Variants in RP1L1 observed in about 807,000 individuals in gnomAD.
RP1L1 encodes RP1 like 1.
In RP1L1, 27 loss-of-function variants were observed where a neutral mutation model predicts 15.7. That is an observed-to-expected ratio of 1.72 (90% CI 1.27 to 2.38). RP1L1 has a LOEUF of 2.38. RP1L1 is among the 30% of genes most tolerant of loss of function. The pLI is 0.00. For synonymous variants in RP1L1, 1,813 were observed against 1,276.7 expected, an observed-to-expected ratio of 1.42 and a Z score of -8.96; for missense variants, 4,798 against 3,075.9, an observed-to-expected ratio of 1.56 and a Z score of -13.24.
At chr8:10,625,409 G>C (rs1252659325) in intron 1 of RP1L1, among the ~76,000 whole-genome samples, 2 of 151,346 alleles carry the variant, frequency 1.3e-5, no homozygotes, top group African/African-American at 4.8e-5. Flanking sequence ...TGGGAGGAAA[G>C]ACACAGGGAA....
chr8:10,610,748 GC>G lies in RP1L1; in HGVS notation c.3349del (p.Ala1117ProfsTer23). Reference sequence around the variant, plus strand: ...CAGACTGGCCAGACAAGTAATGAGGGCCCCGGCTGAGCAGCTGAGCCTCCTG... The same window carrying G: ...CAGACTGGCCAGACAAGTAATGAGGGCCCGGCTGAGCAGCTGAGCCTCCTG... ...MARRLSCSAG[A>X]LITCLASLQL... On this transcript the variant is annotated frameshift_variant, in exon 4 of 4. Transcript: ENST00000382483. LOFTEE classifies it low-confidence loss of function (END_TRUNC). The G allele has an allele frequency of 1.2e-6, 2 of 1,613,420 alleles. No homozygotes were observed. The highest frequency in any genetic ancestry group is 8.5e-7 in the Non-Finnish European group (1 of 1,180,026).
chr8:10,650,605 G>A (rs1798544886), intron 1 of RP1L1, among the ~76,000 whole-genome samples: 1 of 151,070 alleles, frequency 6.6e-6, no homozygotes, highest in Non-Finnish European at 1.5e-5. Context: ...CGTCCAGGCT[G>A]GAGTGCAGTG....
chr8:10,612,102 T>A lies in RP1L1; in HGVS notation c.1996A>T (p.Arg666Trp), dbSNP rs1390730087. The change falls in exon 4 of 4, where the codon AGG becomes TGG. Residue 666 changes from arginine to tryptophan, a missense_variant. Coordinates refer to ENST00000382483, the MANE Select transcript of RP1L1 (RefSeq NM_178857.6). ...GTGTCCTTGCGGTAGTGAGAATGCCTGGGATGGCCTCTCGGGGCCACTCGG... is the reference window on the plus strand; with the variant it reads ...GTGTCCTTGCGGTAGTGAGAATGCCAGGGATGGCCTCTCGGGGCCACTCGG... ...LGRVAPRGHP[R>W]HSHYRKDTHS... The A allele has an allele frequency of 6.2e-7, 1 of 1,613,780 alleles. No individual in the cohort carries two copies. The highest frequency in any genetic ancestry group is 1.7e-5 in the Admixed American group (1 of 60,036).
chr8:10,625,292 A>G (rs1798138853), intron 1 of RP1L1, among the ~76,000 whole-genome samples: 1 of 152,140 alleles, frequency 6.6e-6, no homozygotes, highest in African/African-American at 2.4e-5. Flanking sequence ...GAATCAGGCC[A>G]CCTACAGGGT....
intron 2 of RP1L1, among the ~76,000 whole-genome samples, chr8:10,616,995 T>C (rs1022614528): frequency 8.5e-5 from 13 of 152,204 alleles, no homozygotes; most frequent in African/African-American, 3.1e-4. Context: ...CTCATTCTTT[T>C]CCCAAATGAA....
intron 1 of RP1L1, among the ~76,000 whole-genome samples, chr8:10,630,786 T>G (rs1203618037): frequency 6.6e-6 from 1 of 152,244 alleles, no homozygotes; most frequent in Non-Finnish European, 1.5e-5. Flanking sequence ...CAGCCAGTGT[T>G]GAAATCCACT....
rs576857088 is a variant in RP1L1 at position 10,636,751 on chromosome 8, G to A, written c.-19-13531C>T. Among the ~76,000 whole-genome samples, 149 of 152,342 alleles carry A rather than the reference G, an allele frequency of 9.8e-4. 2 individuals are homozygous for A. The highest frequency in any genetic ancestry group is 1.3e-3 in the Non-Finnish European group (89 of 68,034). The stretch of plus-strand genomic sequence containing the variant: ...AGCAATCAGACATGCTCTTCGCTGG[G>A]ATTAGGTTACTCCCAGCCGGGCCTG... On this transcript the variant is annotated intron_variant, in intron 1 of 3. Coordinates refer to ENST00000382483, the MANE Select transcript of RP1L1 (RefSeq NM_178857.6).
chr8:10,623,122 A>G lies in RP1L1; in HGVS notation c.80T>C (p.Val27Ala), dbSNP rs1357860756. The part of the protein sequence containing the change: ...FLPSVARTPS[V>A]TKVTPAKKIT... ...CTTCTTGGCTGGCGTGACCTTGGTG[A>G]CCGAGGGGGTGCGAGCCACAGAGGG... Residue 27 changes from valine to alanine, a missense_variant, in exon 2 of 4, where the codon GTC becomes GCC. Coordinates refer to ENST00000382483, the MANE Select transcript of RP1L1 (RefSeq NM_178857.6). 6.2e-7 allele frequency: 1 copy of G among 1,611,828 alleles called. No individual in the cohort carries two copies. Among genetic ancestry groups the G allele is most frequent in the Non-Finnish European group, 8.5e-7 (1 of 1,178,868 alleles).
intron 1 of RP1L1, among the ~76,000 whole-genome samples, chr8:10,646,687 C>G (rs1310025056): frequency 6.6e-6 from 1 of 152,160 alleles, no homozygotes; most frequent in African/African-American, 2.4e-5. Context: ...CCTGCCCACA[C>G]CCACGGGTGG....
intron 2 of RP1L1, chr8:10,621,146 G>A (rs1399826296): frequency 6.6e-6 from 1 of 152,666 alleles, no homozygotes; most frequent in Admixed American, 6.5e-5. Flanking sequence ...TACCTAAGTA[G>A]ACCTTGAGAT....
At chr8:10,630,734 G>C (rs559081569) in intron 1 of RP1L1, among the ~76,000 whole-genome samples, 6 of 152,348 alleles carry the variant, frequency 3.9e-5, no homozygotes, top group African/African-American at 1.2e-4. Context: ...CTTGCACAAA[G>C]AAGTGAATTT....
chr8:10,610,824 A>G lies in RP1L1; in HGVS notation c.3274T>C (p.Ser1092Pro), dbSNP rs757363083. The change falls in exon 4 of 4, where the codon TCC becomes CCC. Residue 1092 changes from serine (S) to proline (P), a missense_variant. Ser to Pro is a moderately conservative substitution (Grantham distance 74). Coordinates refer to ENST00000382483, the MANE Select transcript of RP1L1 (RefSeq NM_178857.6). ...STQIMRALMG[S>P]KQGRPSSVPE... is the part of the protein sequence containing the mutation. ...ACGCTGCTGGGCCGGCCCTGCTTGG[A>G]GCCCATCAGCGCCCTCATGATCTGC... 8 of 1,607,680 alleles carry G rather than the reference A, an allele frequency of 5.0e-6. No individual in the cohort carries two copies. The Admixed American group carries it at 8.4e-5, about 17-fold the overall frequency.
Position 10,652,297 on chromosome 8 carries a change from T to C in RP1L1, c.-20+2601A>G, listed in dbSNP as rs141181542. Among the ~76,000 whole-genome samples the C allele has an allele frequency of 8.7e-4, 133 of 152,150 alleles. 2 individuals carry two copies. In the East Asian group the frequency reaches 0.016, roughly 18 times the overall value. ...CTGTAATATGATACACGTCACAGAGTGGACTCATAGAACTTAGGGCCCCAG... is the reference window on the plus strand; with the variant it reads ...CTGTAATATGATACACGTCACAGAGCGGACTCATAGAACTTAGGGCCCCAG... On this transcript the variant is annotated intron_variant, in intron 1 of 3. Coordinates refer to ENST00000382483, the MANE Select transcript of RP1L1 (RefSeq NM_178857.6).
chr8:10,628,340 C>T (rs191298407), intron 1 of RP1L1, among the ~76,000 whole-genome samples: 2 of 152,242 alleles, frequency 1.3e-5, no homozygotes, highest in East Asian at 3.9e-4. Context: ...TAATAGCCCC[C>T]CTCCCTTTCA....
chr8:10,627,743 C>T (rs1274521526), intron 1 of RP1L1, among the ~76,000 whole-genome samples: 1 of 152,130 alleles, frequency 6.6e-6, no homozygotes, highest in Non-Finnish European at 1.5e-5. Context: ...CTTCCCTAAG[C>T]CAATTCCTAA....
chr8:10,633,032 C>T (rs1798275440), intron 1 of RP1L1, among the ~76,000 whole-genome samples: 1 of 152,192 alleles, frequency 6.6e-6, no homozygotes, highest in Non-Finnish European at 1.5e-5. Context: ...GGGTCTGCAC[C>T]ATGGGGTTTA....
intron 3 of RP1L1, among the ~76,000 whole-genome samples, chr8:10,614,211 T>G (rs1347783835): frequency 6.6e-6 from 1 of 152,138 alleles, no homozygotes; most frequent in Non-Finnish European, 1.5e-5. Flanking sequence ...TGATTATTAG[T>G]GGTGATTTAT....
intron 1 of RP1L1, among the ~76,000 whole-genome samples, chr8:10,652,928 G>C (rs904415733): frequency 2.0e-5 from 3 of 152,166 alleles, no homozygotes; most frequent in African/African-American, 7.2e-5. Flanking sequence ...TTGGAGGAAG[G>C]CTCGGTCTTT....
In RP1L1 at chr8:10,623,027, T is replaced by C; in HGVS notation, c.175A>G (p.Lys59Glu). ...VRLAVHQRAF[K>E]TFSALMDELS... is the part of the protein sequence containing the mutation. Reference sequence around the variant, plus strand: ...TCGTCCATGAGGGCGCTGAAGGTCTTAAAGGCGCGCTGGTGAACGGCCAGG... The same window carrying C: ...TCGTCCATGAGGGCGCTGAAGGTCTCAAAGGCGCGCTGGTGAACGGCCAGG... The change falls in exon 2 of 4, where the codon AAG becomes GAG. Residue 59 changes from lysine to glutamate, a missense_variant. Lys to Glu is a moderately conservative substitution (Grantham distance 56). Coordinates refer to ENST00000382483, the MANE Select transcript of RP1L1 (RefSeq NM_178857.6). The C allele has an allele frequency of 2.5e-6, 4 of 1,614,060 alleles. No homozygotes were observed. Among genetic ancestry groups the C allele is most frequent in the South Asian group, 2.2e-5 (2 of 91,080 alleles).
Sources: gnomAD v4.1 joint callset for allele counts (sites outside exome capture counted in the v4.1 genomes callset) on GRCh38, gnomAD v4.1.1 for gene constraint, MANE v1.5 for transcripts, NCBI Gene and HGNC (gene_info 2026-07-23, HGNC 2026-07-21) for gene names.